The following ZNF420 variants were observed in gnomAD, a reference collection of about 807,000 sequenced individuals.
The protein encoded by ZNF420 is zinc finger protein 420, also known as ATM and p53-associated KZNF protein.
In ZNF420, 31 loss-of-function variants were observed where a neutral mutation model predicts 44.7. That is an observed-to-expected ratio of 0.69 (90% CI 0.52 to 0.94). ZNF420 has a LOEUF of 0.94. Ranked by LOEUF, ZNF420 falls within the 40% of genes least tolerant of loss-of-function variation. The pLI, the probability that ZNF420 is intolerant of heterozygous loss-of-function variation, is 0.00. For synonymous variants in ZNF420, 245 were observed against 267.4 expected, an observed-to-expected ratio of 0.92 and a Z score of 0.82; for missense variants, 681 against 827.9, an observed-to-expected ratio of 0.82 and a Z score of 2.18.
chr19:37,056,317 C>A (rs7248948), intron 1 of ZNF420, among the ~76,000 whole-genome samples: 76,294 of 151,890 alleles, frequency 0.5, 19,800 homozygotes, highest in African/African-American at 0.58. Flanking sequence ...TTTTATGTGG[C>A]GTTGACAGGG....
intron 1 of ZNF420, among the ~76,000 whole-genome samples, chr19:37,032,271 G>A (rs1419550296): frequency 6.6e-6 from 1 of 151,550 alleles, no homozygotes; most frequent in African/African-American, 2.4e-5. Context: ...GGCAGAGGTT[G>A]CAGTGAGCCG....
At position 37,127,222 on chromosome 19, in the gene ZNF420, A is replaced by T. The variant is rs1379392082; in HGVS notation, c.231A>T (p.Glu77Asp). ...AATGGGAAATGAGTGACAGACTTGA[A>T]AACTGTGATCTTGAAGAGTCCAATT... ...LSQWEMSDRL[E>D]NCDLEESNSR... Residue 77 changes from glutamate (E) to aspartate (D), a missense_variant, in exon 5 of 5, where the codon GAA becomes GAT. This residue lies in a region of ZNF420 where 350 missense variants were observed against 382.5 expected (regional missense o/e 0.92). Coordinates refer to ENST00000337995, the MANE Select transcript of ZNF420 (RefSeq NM_144689.5). 2 of 1,608,318 alleles carry T rather than the reference A, an allele frequency of 1.2e-6. No homozygotes were observed. The highest frequency in any genetic ancestry group is 1.1e-5 in the South Asian group (1 of 89,994).
rs1321600701 is a variant in ZNF420, at chr19:37,130,123, C to T, written c.*1065C>T. ...CATTTTTCCTGTCTTTTTTTCCGTG[C>T]CTACAATGTGGACATCTAAGCTGGA... On this transcript the variant is annotated 3_prime_UTR_variant, in exon 5 of 5. Coordinates refer to ENST00000337995, the MANE Select transcript of ZNF420 (RefSeq NM_144689.5). 1 of 1,549,970 alleles carries T rather than the reference C, an allele frequency of 6.5e-7. No homozygotes were observed. The highest frequency in any genetic ancestry group is 1.4e-5 in the African/African-American group (1 of 73,008).
chr19:37,082,563 A>G (rs1278585956), intron 2 of ZNF420, among the ~76,000 whole-genome samples: 1 of 152,158 alleles, frequency 6.6e-6, no homozygotes, highest in African/African-American at 2.4e-5. Context: ...CATTTGTTTT[A>G]TATTTATCCC....
intron 2 of ZNF420, among the ~76,000 whole-genome samples, chr19:37,082,692 C>A (rs191773251): frequency 1.3e-5 from 2 of 152,106 alleles, no homozygotes; most frequent in Non-Finnish European, 2.9e-5. Context: ...AACATAAAGT[C>A]CTGTTGGAGT....
intron 1 of ZNF420, among the ~76,000 whole-genome samples, chr19:37,011,590 C>G (rs555301578): frequency 6.6e-6 from 1 of 152,164 alleles, no homozygotes; most frequent in Non-Finnish European, 1.5e-5. Context: ...CCTCTCCGCT[C>G]CTCCAGCAGG....
At position 37,129,284 on chromosome 19, in the gene ZNF420, C is replaced by T. The variant is rs1346655354; in HGVS notation, c.*226C>T. 3.8e-6 allele frequency: 2 copies of T among 527,540 alleles called. No homozygotes were observed. Among genetic ancestry groups the T allele is most frequent in the East Asian group, 6.2e-5 (2 of 32,112 alleles). 32.7% of individuals were successfully genotyped at this position (527,540 alleles called of 1,614,324 possible). ...GTTTTAATATAGTAAATGTAGGAAG[C>T]CCTTTAGCCATATTGAAAACAAATA... On this transcript the variant is annotated 3_prime_UTR_variant, in exon 5 of 5. Transcript: ENST00000337995.
chr19:37,123,650 C>T (rs1971185914), intron 4 of ZNF420, among the ~76,000 whole-genome samples: 1 of 136,428 alleles, frequency 7.3e-6, no homozygotes, highest in African/African-American at 2.8e-5. Context: ...GTCACCCAGG[C>T]TGGAGTGCAG....
At chr19:37,070,728 C>T (rs1283719326) in intron 1 of ZNF420, among the ~76,000 whole-genome samples, 2 of 152,124 alleles carry the variant, frequency 1.3e-5, no homozygotes, top group Admixed American at 1.3e-4. Context: ...ACCAGAATCA[C>T]CTGAACTTAA....
intron 1 of ZNF420, among the ~76,000 whole-genome samples, chr19:37,046,177 A>G (rs1294692275): frequency 6.6e-6 from 1 of 152,170 alleles, no homozygotes; most frequent in African/African-American, 2.4e-5. Context: ...ATATCACCAA[A>G]TATGGAGAGA....
chr19:37,124,689 CAG>C (rs1971248161), intron 4 of ZNF420, among the ~76,000 whole-genome samples: 1 of 151,820 alleles, frequency 6.6e-6, no homozygotes, highest in Admixed American at 6.6e-5. Context: ...TTTTATGAGC[CAG>C]AGTCTCGCTC....
Position 37,091,091 on chromosome 19 carries a change from T to G in ZNF420, c.106T>G (p.Leu36Val). The G allele has an allele frequency of 6.2e-7, 1 of 1,602,420 alleles. No individual in the cohort carries two copies. Among genetic ancestry groups the G allele is most frequent in the Non-Finnish European group, 8.5e-7 (1 of 1,175,838 alleles). ...AQRDLYRDVMLENYSNLVSLD... is the reference protein window; with the variant it reads ...AQRDLYRDVMVENYSNLVSLD... ...GAGAGATTTGTATAGAGATGTGATG[T>G]TGGAGAACTATAGCAACTTGGTATC... The change falls in exon 4 of 5, where the codon TTG becomes GTG. Residue 36 changes from leucine (L) to valine (V), a missense_variant. This residue lies in a region of ZNF420 where 350 missense variants were observed against 382.5 expected (regional missense o/e 0.92). Transcript: ENST00000337995.
intron 4 of ZNF420, among the ~76,000 whole-genome samples, chr19:37,102,914 G>A (rs1969860667): frequency 6.6e-6 from 1 of 151,914 alleles, no homozygotes; most frequent in African/African-American, 2.4e-5. Flanking sequence ...ATTATTTATG[G>A]ATATTTTCAA....
At chr19:37,011,489 AAAG>A (rs2074568588) in intron 1 of ZNF420, among the ~76,000 whole-genome samples, 1 of 152,172 alleles carries the variant, frequency 6.6e-6, no homozygotes, top group Non-Finnish European at 1.5e-5. Context: ...TCAGGGAGCC[AAAG>A]GGATTGGGCT....
intron 4 of ZNF420, among the ~76,000 whole-genome samples, chr19:37,120,436 A>G (rs1271519871): frequency 3.3e-5 from 5 of 152,130 alleles, no homozygotes; most frequent in Non-Finnish European, 7.4e-5. Flanking sequence ...CTTCATGCTA[A>G]AAACTCTCAA....
intron 4 of ZNF420, chr19:37,093,170 AAG>A (rs779864300): frequency 1.3e-5 from 2 of 152,014 alleles, no homozygotes; most frequent in African/African-American, 2.4e-5. Context: ...GAGAGGGGGC[AAG>A]AGAGAGAGGA....
intron 4 of ZNF420, among the ~76,000 whole-genome samples, chr19:37,120,010 C>T (rs1970936749): frequency 6.6e-6 from 1 of 152,064 alleles, no homozygotes; most frequent in East Asian, 1.9e-4. Flanking sequence ...AGTCCAGGAC[C>T]AGATGGATTC....
chr19:37,094,984 C>G (rs530059761), intron 4 of ZNF420, among the ~76,000 whole-genome samples: 2 of 151,742 alleles, frequency 1.3e-5, no homozygotes, highest in Non-Finnish European at 2.9e-5. Flanking sequence ...TACAAAAATT[C>G]GGTAGGTGTG....
intron 4 of ZNF420, among the ~76,000 whole-genome samples, chr19:37,116,541 G>A (rs1215574357): frequency 6.6e-6 from 1 of 152,144 alleles, no homozygotes; most frequent in Non-Finnish European, 1.5e-5. Flanking sequence ...GCAGAAGACG[G>A]GTGATTTCTG....
Sources: gnomAD v4.1 joint callset for allele counts (sites outside exome capture counted in the v4.1 genomes callset) on GRCh38, gnomAD v4.1.1 for gene constraint, gnomAD v4.1.1 regional missense constraint, MANE v1.5 for transcripts, NCBI Gene and HGNC (gene_info 2026-07-23, HGNC 2026-07-21) for gene names.